The following BMS1 variants were observed in gnomAD, a reference collection of about 807,000 sequenced individuals.
BMS1 encodes the protein ribosome biogenesis protein BMS1 homolog.
A neutral mutation model predicts 138.7 loss-of-function variants in BMS1; 53 were observed. That is an observed-to-expected ratio of 0.38 (90% CI 0.31 to 0.48). The LOEUF is 0.48. Among genes scored for constraint, BMS1 ranks in the 20% least tolerant of loss-of-function variants. BMS1 has a pLI of 0.97. For synonymous variants in BMS1, 504 were observed against 539.9 expected (o/e 0.93, Z 0.92); for missense variants, 1,360 against 1,565.5 (o/e 0.87, Z 2.22).
At chr10:42,803,677 G>A (rs1333127783) in intron 13 of BMS1, among the ~76,000 whole-genome samples, 4 of 152,004 alleles carry the variant, frequency 2.6e-5, no homozygotes, top group African/African-American at 9.7e-5. Flanking sequence ...CTTGCTTATT[G>A]TTTTTTCCAT....
In BMS1 at chr10:42,798,602, C is replaced by T. The variant is rs1564415951; in HGVS notation, c.2224C>T (p.Pro742Ser). The T allele has an allele frequency of 6.2e-7, 1 of 1,614,062 alleles. No homozygotes were observed. The highest frequency in any genetic ancestry group is 8.5e-7 in the Non-Finnish European group (1 of 1,180,042). The change falls in exon 12 of 23, where the codon CCC becomes TCC. Residue 742 changes from proline (P) to serine (S), a missense_variant. Transcript: ENST00000374518. Reference protein sequence around the residue: ...LDCSRFLVEAPHDWDLEEVMN... With the variant: ...LDCSRFLVEASHDWDLEEVMN... ...CTGCTCCAGATTTCTTGTGGAGGCC[C>T]CCCATGACTGGGATTTAGAGGAGGT...
At position 42,820,533 on chromosome 10, in the gene BMS1, A is replaced by G; in HGVS notation, c.2795A>G (p.Tyr932Cys). 2 of 1,610,558 alleles carry G rather than the reference A, an allele frequency of 1.2e-6. No individual in the cohort carries two copies. Among genetic ancestry groups the G allele is most frequent in the East Asian group, 2.2e-5 (1 of 44,886 alleles). Residue 932 changes from tyrosine (Y) to cysteine (C), a missense_variant, in exon 17 of 23, where the codon TAT becomes TGT. Coordinates refer to ENST00000374518, the MANE Select transcript of BMS1 (RefSeq NM_014753.4). ...VQMRLKKHRWYKKILKSRDPI... is the reference protein window; with the variant it reads ...VQMRLKKHRWCKKILKSRDPI... ...ATGCGTCTGAAGAAACATCGCTGGT[A>G]TAAGAAAATCCTCAAGTCCCGAGAT...
chr10:42,803,239 A>G (rs1217977194), intron 13 of BMS1, among the ~76,000 whole-genome samples: 1 of 152,182 alleles, frequency 6.6e-6, no homozygotes, highest in Non-Finnish European at 1.5e-5. Context: ...CCTAGGCTTA[A>G]GAGATACTCC....
intron 12 of BMS1, among the ~76,000 whole-genome samples, chr10:42,799,606 T>C (rs1841806803): frequency 1.3e-5 from 2 of 152,188 alleles, no homozygotes; most frequent in African/African-American, 4.8e-5. Context: ...AATACAGATA[T>C]ATAAAACCAC....
intron 13 of BMS1, 45 bp downstream of exon 13, chr10:42,802,263 C>G: frequency 6.5e-7 from 1 of 1,536,482 alleles, no homozygotes; most frequent in Non-Finnish European, 9.0e-7. Context: ...CTTCTCTAAA[C>G]TTTATTTTCT....
rs1484889014 is a variant in BMS1 at position 42,796,494 on chromosome 10, A to G, written c.1250A>G (p.Glu417Gly). ...TACAGGCTAATGATGCCAAAGGAGGAAAAACAAATGGACTTGAACACTGGT... is the reference window on the plus strand; with the variant it reads ...TACAGGCTAATGATGCCAAAGGAGGGAAAACAAATGGACTTGAACACTGGT... ...DNQGLMMPKE[E>G]KQMDLNTGRM... The change falls in exon 10 of 23, where the codon GAA becomes GGA. Residue 417 changes from glutamate to glycine, a missense_variant. Glu to Gly is a moderately conservative substitution (Grantham distance 98). Around this residue, in one of 3 missense-constraint regions of BMS1, gnomAD observed 697 missense variants for 686.2 expected, o/e 1.02. Coordinates refer to ENST00000374518, the MANE Select transcript of BMS1 (RefSeq NM_014753.4). The G allele has an allele frequency of 1.2e-6, 2 of 1,612,646 alleles. No individual in the cohort carries two copies. Among genetic ancestry groups the G allele is most frequent in the African/African-American group, 1.3e-5 (1 of 74,892 alleles).
intron 12 of BMS1, among the ~76,000 whole-genome samples, chr10:42,799,712 G>A (rs1304050961): frequency 1.3e-5 from 2 of 152,146 alleles, no homozygotes; most frequent in Non-Finnish European, 2.9e-5. Context: ...GCTCAATTGT[G>A]ACACCAGCCA....
intron 12 of BMS1, among the ~76,000 whole-genome samples, chr10:42,801,074 CT>C (rs1412575505): frequency 1.3e-5 from 2 of 152,152 alleles, no homozygotes; most frequent in Non-Finnish European, 2.9e-5. Context: ...TGAGAGAGCG[CT>C]TGGAATCACC....
At position 42,798,457 on chromosome 10, in the gene BMS1, G is replaced by A. The variant is rs751677945; in HGVS notation, c.2090-11G>A. ...TTTGTTCTCACTTTTCTGCCATGGTGTGCTCTTTAGTGACAGAAGATAATG... is the reference window on the plus strand; with the variant it reads ...TTTGTTCTCACTTTTCTGCCATGGTATGCTCTTTAGTGACAGAAGATAATG... On this transcript the variant is annotated splice_polypyrimidine_tract_variant and intron_variant, in intron 11 of 22. Coordinates refer to ENST00000374518, the MANE Select transcript of BMS1 (RefSeq NM_014753.4). The A allele has an allele frequency of 6.2e-7, 1 of 1,614,148 alleles. No homozygotes were observed. The highest frequency in any genetic ancestry group is 8.5e-7 in the Non-Finnish European group (1 of 1,180,002).
At chr10:42,825,780 C>G (rs1246146697) in intron 21 of BMS1, among the ~76,000 whole-genome samples, 1 of 151,740 alleles carries the variant, frequency 6.6e-6, no homozygotes, top group Admixed American at 6.6e-5. Flanking sequence ...TTTTTCTCAT[C>G]TGATTGCTCT....
chr10:42,815,377 A>T (rs906396389), intron 13 of BMS1, among the ~76,000 whole-genome samples: 3 of 152,088 alleles, frequency 2.0e-5, no homozygotes, highest in Non-Finnish European at 4.4e-5. Context: ...CTTCTTTTTT[A>T]AAAAAATAAA....
intron 3 of BMS1, 147 bp downstream of exon 3, chr10:42,785,819 T>A: frequency 1.1e-6 from 1 of 869,668 alleles, no homozygotes; most frequent in Non-Finnish European, 1.7e-6. Context: ...AAGTTGGCTA[T>A]AGCTTCAGAA....
rs1476715485 is a variant in BMS1 at position 42,833,007 on chromosome 10, ACAAG to A, written c.*1915_*1918del. On this transcript the variant is annotated 3_prime_UTR_variant, in exon 23 of 23. Coordinates refer to ENST00000374518, the MANE Select transcript of BMS1 (RefSeq NM_014753.4). ...AGGTGATCAGCAAGTGTCTTATACA[ACAAG>A]CAAATTTGTTCAAAGAGAAGCATTG... is the stretch of plus-strand genomic sequence containing the variant. 1.3e-5 allele frequency: 2 copies of A among 152,260 alleles called. No individual in the cohort carries two copies. Among genetic ancestry groups the A allele is most frequent in the Non-Finnish European group, 2.9e-5 (2 of 68,046 alleles). 9.4% of individuals were successfully genotyped at this position (152,260 alleles called of 1,614,324 possible).
chr10:42,817,325 A>T lies in BMS1; in HGVS notation c.2411A>T (p.Asp804Val), dbSNP rs1356762985. Reference sequence around the variant, plus strand: ...TTCTTCTGGAAATTTAAGAATGAAGATATAGAGAAAGAAGTTAAGGAAGAA... The same window carrying T: ...TTCTTCTGGAAATTTAAGAATGAAGTTATAGAGAAAGAAGTTAAGGAAGAA... ...GKSGPNTQNE[D>V]IEKEVKEEID... is the part of the protein sequence containing the mutation. The change falls in exon 15 of 23, where the codon GAT (aspartate) becomes GTT (valine). Residue 804 changes from aspartate (D) to valine (V), a missense_variant. Physicochemically the swap from Asp to Val is radical, Grantham distance 152. Coordinates refer to ENST00000374518, the MANE Select transcript of BMS1 (RefSeq NM_014753.4). The T allele has an allele frequency of 6.3e-7, 1 of 1,595,600 alleles. No homozygotes were observed. The highest frequency in any genetic ancestry group is 8.5e-7 in the Non-Finnish European group (1 of 1,173,900).
At chr10:42,798,320 A>G (rs985120174) in intron 11 of BMS1, 148 bp from the exon 12 acceptor site, 7 of 923,266 alleles carry the variant, frequency 7.6e-6, no homozygotes, top group Non-Finnish European at 1.1e-5. Flanking sequence ...CTCAATGCCT[A>G]ACTCTTATGT....
At chr10:42,826,238 TGTG>T (rs1842638731) in intron 21 of BMS1, among the ~76,000 whole-genome samples, 1 of 1,578 alleles carries the variant, frequency 6.3e-4, no homozygotes, top group Non-Finnish European at 2.3e-3. Flanking sequence ...TTTTGTTTGT[TGTG>T]TGTGTGTGTG....
chr10:42,830,498 C>T, intron 22 of BMS1, 76 bp downstream of exon 22: 1 of 1,516,986 alleles, frequency 6.6e-7, no homozygotes, highest in Non-Finnish European at 8.8e-7. Context: ...CTTCCTGTTT[C>T]TACTGTAGTC....
intron 11 of BMS1, among the ~76,000 whole-genome samples, chr10:42,797,739 AC>A (rs1429019612): frequency 7.2e-5 from 11 of 152,186 alleles, no homozygotes; most frequent in African/African-American, 2.7e-4. Context: ...TGATGCAAAT[AC>A]CGTCCATTGC....
At chr10:42,821,084 T>G (rs1842492298) in intron 18 of BMS1, 92 bp downstream of exon 18, 1 of 1,050,160 alleles carries the variant, frequency 9.5e-7, no homozygotes, top group East Asian at 2.4e-5. Context: ...AAGTTGAAAA[T>G]TACTCATTTT....
Sources: allele counts gnomAD v4.1 joint callset (sites outside exome capture counted in the v4.1 genomes callset), GRCh38; gene constraint gnomAD v4.1.1; regional missense constraint gnomAD v4.1.1; transcripts MANE v1.5; gene names NCBI Gene and HGNC (gene_info 2026-07-23, HGNC 2026-07-21).